Variants in PCDH15 observed in about 807,000 individuals in gnomAD.
PCDH15 encodes protocadherin-15.
Under a neutral mutation model 178.5 loss-of-function variants are expected in PCDH15, and 129 were observed. The ratio of observed to expected loss-of-function variants is 0.72; its 90% CI spans 0.63 to 0.84. The LOEUF (loss-of-function observed/expected upper bound fraction) is 0.84, where lower values mean the gene tolerates loss of function less well. Among genes scored for constraint, PCDH15 ranks in the 40% least tolerant of loss-of-function variants. The pLI, the probability that PCDH15 is intolerant of heterozygous loss-of-function variation, is 0.00. For missense variants in PCDH15, 2,230 were observed against 2,099.9 expected, an observed-to-expected ratio of 1.06 and a Z score of -1.21; for synonymous variants, 800 against 732.0, an observed-to-expected ratio of 1.09 and a Z score of -1.50.
intron 2 of PCDH15, among the ~76,000 whole-genome samples, chr10:55,044,719 CA>C (rs1840954726): frequency 6.6e-6 from 1 of 152,034 alleles, no homozygotes; most frequent in South Asian, 2.1e-4. Flanking sequence ...TAGATCCTTC[CA>C]ATTCCCATTA....
At chr10:54,617,464 T>C (rs1301167266) in intron 2 of PCDH15, among the ~76,000 whole-genome samples, 2 of 152,116 alleles carry the variant, frequency 1.3e-5, no homozygotes, top group South Asian at 4.1e-4. Flanking sequence ...TTTTACTATA[T>C]GTATATGGAA....
chr10:54,496,544 A>G (rs942110072), intron 3 of PCDH15, among the ~76,000 whole-genome samples: 1 of 152,160 alleles, frequency 6.6e-6, no homozygotes, highest in Non-Finnish European at 1.5e-5. Flanking sequence ...AGTTCATTCA[A>G]CTATACAAAA....
intron 2 of PCDH15, among the ~76,000 whole-genome samples, chr10:54,627,209 C>A (rs1029336663): frequency 1.3e-5 from 2 of 152,042 alleles, no homozygotes; most frequent in Non-Finnish European, 2.9e-5. Flanking sequence ...TGAGTTAATG[C>A]TGAAATGAGA....
At chr10:54,410,713 T>A (rs1953364296) in intron 3 of PCDH15, among the ~76,000 whole-genome samples, 1 of 152,088 alleles carries the variant, frequency 6.6e-6, no homozygotes, top group Non-Finnish European at 1.5e-5. Context: ...CTCCTGAAGA[T>A]ACAATAAGAT....
At chr10:54,201,229 T>A (rs1020444650) in intron 10 of PCDH15, among the ~76,000 whole-genome samples, 23 of 152,192 alleles carry the variant, frequency 1.5e-4, no homozygotes, top group African/African-American at 5.5e-4. Context: ...ATTAGCAGAT[T>A]ATATATGCCA....
intron 26 of PCDH15, among the ~76,000 whole-genome samples, chr10:53,878,181 GCACA>G (rs71004486): frequency 3.0e-4 from 37 of 124,924 alleles, no homozygotes; most frequent in East Asian, 1.6e-3. Flanking sequence ...CTATACTATG[GCACA>G]CACACACACA....
At chr10:55,373,264 C>A (rs1259345659) in intron 2 of PCDH15, among the ~76,000 whole-genome samples, 1 of 152,004 alleles carries the variant, frequency 6.6e-6, no homozygotes, top group Non-Finnish European at 1.5e-5. Context: ...AGCTCTGATA[C>A]CTTTATTAAA....
chr10:54,349,809 T>G (rs1943894366), intron 5 of PCDH15, among the ~76,000 whole-genome samples: 2 of 152,190 alleles, frequency 1.3e-5, no homozygotes, highest in African/African-American at 4.8e-5. Flanking sequence ...AATATGCATT[T>G]GCTTATGGTT....
At chr10:53,841,454 C>T (rs1425757545) in intron 28 of PCDH15, among the ~76,000 whole-genome samples, 1 of 151,940 alleles carries the variant, frequency 6.6e-6, no homozygotes, top group African/African-American at 2.4e-5. Flanking sequence ...CTTCTAATGC[C>T]ACAATTGACA....
At chr10:54,445,467 C>A (rs2076090783) in intron 3 of PCDH15, among the ~76,000 whole-genome samples, 1 of 151,490 alleles carries the variant, frequency 6.6e-6, no homozygotes, top group South Asian at 2.1e-4. Context: ...AAATTGTCTA[C>A]ATGATAGTGG....
chr10:54,321,491 A>C (rs1449774379), intron 7 of PCDH15, among the ~76,000 whole-genome samples: 1 of 151,818 alleles, frequency 6.6e-6, no homozygotes, highest in African/African-American at 2.4e-5. Context: ...ATGCATATAT[A>C]CACATACATG....
chr10:55,540,780 T>C (rs1274056515), intron 2 of PCDH15, among the ~76,000 whole-genome samples: 1 of 152,064 alleles, frequency 6.6e-6, no homozygotes, highest in African/African-American at 2.4e-5. Context: ...ATTTGATTAT[T>C]GCAACTCCCG....
At chr10:55,484,482 T>C (rs888561780) in intron 2 of PCDH15, among the ~76,000 whole-genome samples, 2 of 151,576 alleles carry the variant, frequency 1.3e-5, no homozygotes, top group Admixed American at 6.6e-5. Flanking sequence ...AAAAGAAATA[T>C]ACAAATTCAA....
Position 54,794,133 on chromosome 10 carries a change from A to G in PCDH15, c.-29+6792T>C, listed in dbSNP as rs575220098. On this transcript the variant is annotated intron_variant, in intron 1 of 37. Transcript: ENST00000644397. ...CCTTTAAGATATATATAAGATATATATATATCTTATATATATCTTAAAGGA... is the reference window on the plus strand; with the variant it reads ...CCTTTAAGATATATATAAGATATATGTATATCTTATATATATCTTAAAGGA... Among the ~76,000 whole-genome samples the G allele has an allele frequency of 1.5e-4, 22 of 146,782 alleles. No homozygotes were observed. The East Asian group carries it at 4.0e-3, about 27-fold the overall frequency.
intron 2 of PCDH15, among the ~76,000 whole-genome samples, chr10:55,125,461 A>G (rs1240432781): frequency 1.3e-5 from 2 of 152,012 alleles, no homozygotes; most frequent in East Asian, 1.9e-4. Flanking sequence ...AAGTCTTCTC[A>G]TTTTACAAGT....
chr10:53,960,493 G>A (rs923597711), intron 22 of PCDH15, among the ~76,000 whole-genome samples: 1 of 152,148 alleles, frequency 6.6e-6, no homozygotes, highest in African/African-American at 2.4e-5. Flanking sequence ...GAGATGTGAT[G>A]TCTGACATTA....
At chr10:55,156,386 G>A (rs1343574780) in intron 2 of PCDH15, among the ~76,000 whole-genome samples, 6 of 152,132 alleles carry the variant, frequency 3.9e-5, no homozygotes, top group East Asian at 1.9e-4. Context: ...TAAAGCAACT[G>A]TGGCCAGTTT....
chr10:55,040,484 C>A (rs192652500), intron 2 of PCDH15, among the ~76,000 whole-genome samples: 28 of 139,698 alleles, frequency 2.0e-4, no homozygotes, highest in Admixed American at 8.9e-4. Flanking sequence ...CAAAAAAAAA[C>A]CAAAACAACT....
At chr10:54,143,886 C>T (rs1297397821) in intron 14 of PCDH15, among the ~76,000 whole-genome samples, 1 of 151,866 alleles carries the variant, frequency 6.6e-6, no homozygotes, top group East Asian at 1.9e-4. Flanking sequence ...TATAATGGGA[C>T]ACAATTGGAG....
Sources: gnomAD v4.1 joint callset for allele counts (sites outside exome capture counted in the v4.1 genomes callset) on GRCh38, gnomAD v4.1.1 for gene constraint, MANE v1.5 for transcripts, NCBI Gene and HGNC (gene_info 2026-07-23, HGNC 2026-07-21) for gene names.